The following PRKG1 variants were observed in gnomAD, a reference collection of about 807,000 sequenced individuals.
The protein encoded by PRKG1 is protein kinase cGMP-dependent 1, also known as cGMP-dependent protein kinase 1.
A neutral mutation model predicts 88.1 loss-of-function variants in PRKG1; 35 were observed. The observed-to-expected ratio is 0.40, with a 90% CI of 0.30 to 0.53. The LOEUF is 0.53. PRKG1 is among the 20% of genes least tolerant of loss of function. The pLI is 0.59. For missense variants in PRKG1, 540 were observed against 839.8 expected (o/e 0.64, Z 4.41); for synonymous variants, 303 against 292.5 (o/e 1.04, Z -0.37).
intron 2 of PRKG1, among the ~76,000 whole-genome samples, chr10:51,389,900 T>C (rs1046726230): frequency 5.9e-5 from 9 of 152,156 alleles, no homozygotes; most frequent in African/African-American, 2.2e-4. Flanking sequence ...GAAGGTTGCT[T>C]TGACTCTTTC....
In PRKG1 at chr10:51,034,668, T is replaced by TTTATATATATATATA. The variant is rs9299454; in HGVS notation, c.266+43025_266+43026insTATATATATATATAT. On this transcript the variant is annotated intron_variant, in intron 1 of 17. Transcript: ENST00000401604. Reference sequence around the variant, plus strand: ...AGCAAAATTATATATAATATGTTATTTATATATATATATATATATATATAT... The same window carrying TTTATATATATATATA: ...AGCAAAATTATATATAATATGTTATTTTATATATATATATATATATATATATATATATATATATAT... Among the ~76,000 whole-genome samples, 133 of 68,178 alleles carry TTTATATATATATATA rather than the reference T, an allele frequency of 2.0e-3. 13 individuals carry two copies. The highest frequency in any genetic ancestry group is 2.2e-3 in the Non-Finnish European group (81 of 36,468). 44.7% of individuals were successfully genotyped at this position (68,178 alleles called of 152,430 possible).
At chr10:51,259,720 C>A (rs1470818980) in intron 2 of PRKG1, among the ~76,000 whole-genome samples, 1 of 152,172 alleles carries the variant, frequency 6.6e-6, no homozygotes, top group African/African-American at 2.4e-5. Flanking sequence ...AGATGACCCA[C>A]CCACCTTGGC....
intron 3 of PRKG1, among the ~76,000 whole-genome samples, chr10:51,685,506 C>G (rs1427930447): frequency 1.3e-5 from 2 of 152,144 alleles, no homozygotes; most frequent in Non-Finnish European, 2.9e-5. Flanking sequence ...CTCCACTCCC[C>G]CTAATCTTGT....
chr10:52,287,335 G>A (rs1248211535), intron 14 of PRKG1, among the ~76,000 whole-genome samples: 1 of 151,988 alleles, frequency 6.6e-6, no homozygotes, highest in Non-Finnish European at 1.5e-5. Context: ...ACTAGCTAAT[G>A]ACATATTAAA....
chr10:51,245,476 C>G (rs569585835), intron 2 of PRKG1: 1 of 152,218 alleles, frequency 6.6e-6, no homozygotes, highest in East Asian at 1.9e-4. Flanking sequence ...GATGTGCACA[C>G]TATCTTCCTT....
intron 2 of PRKG1, among the ~76,000 whole-genome samples, chr10:51,430,921 C>G (rs1838750086): frequency 1.3e-5 from 2 of 152,146 alleles, no homozygotes; most frequent in Non-Finnish European, 1.5e-5. Context: ...CAATGGTTGC[C>G]TCGGGCAGAG....
At chr10:51,982,059 C>T (rs1844023914) in intron 5 of PRKG1, among the ~76,000 whole-genome samples, 1 of 152,096 alleles carries the variant, frequency 6.6e-6, no homozygotes, top group Non-Finnish European at 1.5e-5. Context: ...TTTCAGAGAG[C>T]CAGTCTTAAA....
intron 4 of PRKG1, among the ~76,000 whole-genome samples, chr10:51,825,960 A>G (rs1839871775): frequency 6.6e-6 from 1 of 152,198 alleles, no homozygotes; most frequent in South Asian, 2.1e-4. Flanking sequence ...CAGAGAAGAA[A>G]GGAGAAGCAG....
intron 3 of PRKG1, among the ~76,000 whole-genome samples, chr10:51,585,322 A>T (rs1001992479): frequency 6.6e-6 from 1 of 152,138 alleles, no homozygotes; most frequent in Admixed American, 6.6e-5. Context: ...TAATATTCAA[A>T]GCTGATTCTG....
intron 3 of PRKG1, among the ~76,000 whole-genome samples, chr10:51,595,067 C>T (rs1332724375): frequency 3.3e-5 from 5 of 152,162 alleles, no homozygotes; most frequent in Non-Finnish European, 5.9e-5. Context: ...TAACTCTGTG[C>T]CAAGTGCGGT....
At chr10:51,650,121 G>A (rs557314673) in intron 3 of PRKG1, among the ~76,000 whole-genome samples, 1 of 152,208 alleles carries the variant, frequency 6.6e-6, no homozygotes, top group African/African-American at 2.4e-5. Context: ...CTAGAGGTCA[G>A]AATTTTACCA....
chr10:51,656,280 G>A (rs1382430304), intron 3 of PRKG1, among the ~76,000 whole-genome samples: 1 of 152,084 alleles, frequency 6.6e-6, no homozygotes, highest in Non-Finnish European at 1.5e-5. Context: ...TAGTGTAGTA[G>A]GCAATGAACC....
intron 10 of PRKG1, among the ~76,000 whole-genome samples, chr10:52,259,173 C>T (rs746312327): frequency 6.6e-6 from 1 of 150,624 alleles, no homozygotes; most frequent in Non-Finnish European, 1.5e-5. Context: ...CACATAAACA[C>T]AGACTCTGCT....
chr10:51,769,179 G>A (rs905289139), intron 3 of PRKG1, among the ~76,000 whole-genome samples: 2 of 152,164 alleles, frequency 1.3e-5, no homozygotes, highest in East Asian at 1.9e-4. Context: ...CAGATTAAAC[G>A]CACTGAATCA....
intron 7 of PRKG1, among the ~76,000 whole-genome samples, chr10:52,093,463 G>A (rs1234430563): frequency 6.6e-6 from 1 of 152,070 alleles, no homozygotes; most frequent in East Asian, 1.9e-4. Context: ...TTTTGAAAAT[G>A]TACATGTGAA....
At chr10:51,459,504 A>G (rs58693145) in intron 2 of PRKG1, among the ~76,000 whole-genome samples, 37,906 of 152,032 alleles carry the variant, frequency 0.25, 4,949 homozygotes, top group Middle Eastern at 0.3. Context: ...AATGTATTTT[A>G]TTTTTTATAA....
intron 3 of PRKG1, among the ~76,000 whole-genome samples, chr10:51,775,241 A>G (rs1391488608): frequency 6.6e-6 from 1 of 152,164 alleles, no homozygotes; most frequent in Non-Finnish European, 1.5e-5. Flanking sequence ...TGATGAATTT[A>G]TCTTGTAGTA....
At chr10:51,080,372 A>G (rs1166123076) in intron 1 of PRKG1, among the ~76,000 whole-genome samples, 1 of 152,222 alleles carries the variant, frequency 6.6e-6, no homozygotes, top group African/African-American at 2.4e-5. Flanking sequence ...CTAATGGGAA[A>G]GGGTAGAAGA....
chr10:52,201,627 G>A (rs1054153809), intron 9 of PRKG1, among the ~76,000 whole-genome samples: 3 of 152,034 alleles, frequency 2.0e-5, no homozygotes, highest in Admixed American at 2.0e-4. Context: ...TACCGAATCT[G>A]CAAATTGCTT....
Sources: gnomAD v4.1 joint callset for allele counts (sites outside exome capture counted in the v4.1 genomes callset) on GRCh38, gnomAD v4.1.1 for gene constraint, MANE v1.5 for transcripts, NCBI Gene and HGNC (gene_info 2026-07-23, HGNC 2026-07-21) for gene names.